The following CUX2 variants were observed in gnomAD, a reference collection of about 807,000 sequenced individuals.
CUX2 encodes the protein cut like homeobox 2.
In CUX2, 40 loss-of-function variants were observed where a neutral mutation model predicts 144.8. That is an observed-to-expected ratio of 0.28 (90% CI 0.21 to 0.36). CUX2 has a LOEUF of 0.36. Ranked by LOEUF, CUX2 falls within the 10% of genes least tolerant of loss-of-function variation. The pLI is 1.00. For missense variants in CUX2, 1,615 were observed against 1,994.0 expected (o/e 0.81, Z 3.62); for synonymous variants, 827 against 875.6 (o/e 0.94, Z 0.98).
chr12:111,081,825 C>T (rs184486251), intron 1 of CUX2, among the ~76,000 whole-genome samples: 32 of 152,280 alleles, frequency 2.1e-4, no homozygotes, highest in Middle Eastern at 3.4e-3. Context: ...GTGTCTTCCA[C>T]GAGCTTCCGC....
At chr12:111,220,263 A>G (rs1330008512) in intron 3 of CUX2, among the ~76,000 whole-genome samples, 1 of 152,182 alleles carries the variant, frequency 6.6e-6, no homozygotes, top group Non-Finnish European at 1.5e-5. Context: ...TTTTATTCCT[A>G]TGAGCAGTGA....
At chr12:111,176,802 C>T (rs1878882856) in intron 1 of CUX2, among the ~76,000 whole-genome samples, 1 of 152,142 alleles carries the variant, frequency 6.6e-6, no homozygotes, top group East Asian at 1.9e-4. Context: ...GATCTGAACT[C>T]CTCTCCCATT....
chr12:111,052,639 G>A (rs1430486204), intron 1 of CUX2, among the ~76,000 whole-genome samples: 1 of 152,112 alleles, frequency 6.6e-6, no homozygotes, highest in African/African-American at 2.4e-5. Context: ...GTGTTTTTCT[G>A]AGTATGTCTC....
At chr12:111,129,407 TTCCA>T (rs61469184) in intron 1 of CUX2, among the ~76,000 whole-genome samples, 6,312 of 152,336 alleles carry the variant, frequency 0.041, 417 homozygotes, top group African/African-American at 0.14. Flanking sequence ...AGCACAATGC[TTCCA>T]TCCAGTGGGC....
At chr12:111,036,349 G>A (rs904834182) in intron 1 of CUX2, among the ~76,000 whole-genome samples, 1 of 152,170 alleles carries the variant, frequency 6.6e-6, no homozygotes, top group Non-Finnish European at 1.5e-5. Flanking sequence ...CTGAGGGGAG[G>A]GTGCGGCTCC....
intron 20 of CUX2, among the ~76,000 whole-genome samples, chr12:111,341,529 G>C (rs1294381196): frequency 6.6e-6 from 1 of 152,144 alleles, no homozygotes; most frequent in Non-Finnish European, 1.5e-5. Context: ...GAATGCTCCT[G>C]AGTCTTCGCT....
At chr12:111,088,795 C>A (rs1872390744) in intron 1 of CUX2, among the ~76,000 whole-genome samples, 1 of 152,180 alleles carries the variant, frequency 6.6e-6, no homozygotes, top group Non-Finnish European at 1.5e-5. Flanking sequence ...GGACAATGAG[C>A]TGAGCTATGA....
At chr12:111,337,974 G>T (rs1465338269) in intron 19 of CUX2, among the ~76,000 whole-genome samples, 1 of 152,052 alleles carries the variant, frequency 6.6e-6, no homozygotes, top group Non-Finnish European at 1.5e-5. Flanking sequence ...GGCAGAGGCT[G>T]CAGGGAGCCA....
intron 18 of CUX2, 49 bp from the exon 19 acceptor site, chr12:111,334,392 G>A: frequency 6.6e-7 from 1 of 1,525,776 alleles, no homozygotes; most frequent in East Asian, 2.3e-5. Flanking sequence ...AAGTGGATGT[G>A]TCTGTGCCAG....
At chr12:111,123,791 C>T (rs1874855886) in intron 1 of CUX2, among the ~76,000 whole-genome samples, 1 of 152,190 alleles carries the variant, frequency 6.6e-6, no homozygotes, top group Admixed American at 6.5e-5. Flanking sequence ...CTGCCTCGGC[C>T]TCCCAAAGTG....
intron 1 of CUX2, among the ~76,000 whole-genome samples, chr12:111,062,460 C>T (rs750174998): frequency 3.9e-5 from 6 of 152,356 alleles, no homozygotes; most frequent in Middle Eastern, 6.8e-3. Flanking sequence ...AGGCAGCTGT[C>T]ACTAGGGAAG....
intron 1 of CUX2, among the ~76,000 whole-genome samples, chr12:111,162,482 G>A (rs947123262): frequency 6.6e-5 from 10 of 152,180 alleles, no homozygotes; most frequent in African/African-American, 1.9e-4. Flanking sequence ...TGGGATGTGC[G>A]GCCTTGGCCC....
Position 111,293,300 on chromosome 12 carries a change from C to G in CUX2, c.437-146C>G, listed in dbSNP as rs548124838. On this transcript the variant is annotated intron_variant, in intron 5 of 21. Coordinates refer to ENST00000261726, the MANE Select transcript of CUX2 (RefSeq NM_015267.4). This position sits in a 1 kb window ranked among gnomAD's most constrained non-coding sequence, Gnocchi z 4.5. ...ACCTGTGTGCTGAGGACATGCGGCC[C>G]GCAGGGCCCCACAGCTGCGCTCTCT... 2 of 1,265,772 alleles carry G rather than the reference C, an allele frequency of 1.6e-6. No individual in the cohort carries two copies. Among genetic ancestry groups the G allele is most frequent in the Non-Finnish European group, 2.1e-6 (2 of 942,884 alleles). The allele number at this position is 1,265,772 out of a possible 1,614,324, so 78.4% of individuals were successfully genotyped here.
chr12:111,050,096 A>G (rs1221509374), intron 1 of CUX2, among the ~76,000 whole-genome samples: 1 of 152,120 alleles, frequency 6.6e-6, no homozygotes, highest in Non-Finnish European at 1.5e-5. Context: ...AGCCACATTT[A>G]TAGAGCATCT....
chr12:111,292,384 G>C (rs188760706), intron 5 of CUX2, among the ~76,000 whole-genome samples: 2 of 152,206 alleles, frequency 1.3e-5, no homozygotes, highest in Admixed American at 1.3e-4. Context: ...AAGGTCAGGA[G>C]TTCCAGACCA....
At chr12:111,257,092 G>C (rs145071885) in intron 3 of CUX2, among the ~76,000 whole-genome samples, 2 of 152,098 alleles carry the variant, frequency 1.3e-5, no homozygotes, top group Non-Finnish European at 2.9e-5. Context: ...GTCACCCCTC[G>C]TATCACAGTG....
At chr12:111,238,717 TACAC>T (rs111368535) in intron 3 of CUX2, among the ~76,000 whole-genome samples, 1 of 151,886 alleles carries the variant, frequency 6.6e-6, no homozygotes, top group African/African-American at 2.4e-5. Flanking sequence ...TACATCCACA[TACAC>T]ACACACACAT....
chr12:111,034,316 G>C lies in CUX2; in HGVS notation c.63+76G>C, dbSNP rs1240601795. The C allele has an allele frequency of 3.2e-6, 3 of 950,266 alleles. No homozygotes were observed. The highest frequency in any genetic ancestry group is 3.4e-5 in the South Asian group (1 of 29,656). The allele number at this position is 950,266 out of a possible 1,614,324, so 58.9% of individuals were successfully genotyped here. A position where few individuals can be genotyped will look rare whatever the true frequency, so the allele number is the denominator to read the frequency against. On this transcript the variant is annotated intron_variant, in intron 1 of 21. Transcript: ENST00000261726. The surrounding 1 kb of genome is among the most constrained non-coding windows in gnomAD (Gnocchi z 4.2). ...CCCTGGGCGCATTGGGGAGGTCCCC[G>C]GGCGGGCAGGCGGACGCCCTGGGGC...
chr12:111,256,479 G>T (rs868094121), intron 3 of CUX2, among the ~76,000 whole-genome samples: 1 of 151,926 alleles, frequency 6.6e-6, no homozygotes, highest in African/African-American at 2.4e-5. Flanking sequence ...CACATCAGAC[G>T]TCCACCCCCC....
Sources: allele counts gnomAD v4.1 joint callset (sites outside exome capture counted in the v4.1 genomes callset), GRCh38; gene constraint gnomAD v4.1.1; non-coding constraint Gnocchi (gnomAD v3.1); transcripts MANE v1.5; gene names NCBI Gene and HGNC (gene_info 2026-07-23, HGNC 2026-07-21).